DLGAP2: variants seen among roughly 807,000 people sequenced by gnomAD.
DLGAP2 encodes disks large-associated protein 2.
DLGAP2 carries 26 observed loss-of-function variants against 100.3 expected under a neutral mutation model. The ratio of observed to expected loss-of-function variants is 0.26; its 90% CI spans 0.19 to 0.36. The LOEUF is 0.36. Among genes scored for constraint, DLGAP2 ranks in the 10% least tolerant of loss-of-function variants. The pLI, the probability that DLGAP2 is intolerant of heterozygous loss-of-function variation, is 1.00. For synonymous variants in DLGAP2, 886 were observed against 630.1 expected (o/e 1.41, Z -6.08); for missense variants, 1,858 against 1,453.2 (o/e 1.28, Z -4.53).
At chr8:1,444,872 C>A (rs1057265643) in intron 3 of DLGAP2, among the ~76,000 whole-genome samples, 1 of 147,168 alleles carries the variant, frequency 6.8e-6, no homozygotes, top group Non-Finnish European at 1.5e-5. Flanking sequence ...CACCGTCTTC[C>A]AATTCAGGCA....
intron 2 of DLGAP2, among the ~76,000 whole-genome samples, chr8:941,456 C>T (rs528744989): frequency 6.6e-5 from 10 of 151,340 alleles, no homozygotes; most frequent in Non-Finnish European, 8.8e-5. Context: ...GCTGGAAACC[C>T]GTCAGACTCT....
intron 3 of DLGAP2, among the ~76,000 whole-genome samples, chr8:1,379,884 T>C (rs11783367): frequency 2.1e-4 from 17 of 80,326 alleles, no homozygotes; most frequent in African/African-American, 6.1e-4. Context: ...TTGGGGTGCC[T>C]TCCCTTCCCT....
intron 1 of DLGAP2, among the ~76,000 whole-genome samples, chr8:781,833 C>T (rs989532276): frequency 1.3e-5 from 2 of 152,092 alleles, no homozygotes; most frequent in Admixed American, 6.5e-5. Context: ...ATTATATAAC[C>T]TAATGTTTGT....
chr8:1,433,530 C>T (rs774696330), intron 3 of DLGAP2, among the ~76,000 whole-genome samples: 2 of 152,188 alleles, frequency 1.3e-5, no homozygotes, highest in Admixed American at 6.5e-5. Context: ...TGAGCCCACC[C>T]GAGTAGGTCC....
intron 1 of DLGAP2, among the ~76,000 whole-genome samples, chr8:888,316 G>A (rs1797961911): frequency 6.6e-6 from 1 of 152,112 alleles, no homozygotes; most frequent in African/African-American, 2.4e-5. Context: ...TCTTTGCACT[G>A]GGTTAGAACA....
chr8:899,018 C>T (rs568682126), intron 1 of DLGAP2, among the ~76,000 whole-genome samples: 14 of 152,340 alleles, frequency 9.2e-5, no homozygotes, highest in Admixed American at 7.2e-4. Flanking sequence ...GCCCCCCAGG[C>T]GGTTCTGACG....
chr8:1,196,438 A>G (rs12676200), intron 2 of DLGAP2, among the ~76,000 whole-genome samples: 67,218 of 152,006 alleles, frequency 0.44, 15,002 homozygotes, highest in Middle Eastern at 0.6. Flanking sequence ...TGAGTGAGTG[A>G]ACGAGACAGT....
intron 2 of DLGAP2, among the ~76,000 whole-genome samples, chr8:1,209,608 G>A (rs1024695290): frequency 2.0e-5 from 3 of 152,198 alleles, no homozygotes; most frequent in Non-Finnish European, 2.9e-5. Flanking sequence ...ATTTGGAGAT[G>A]GGGTTTTAGG....
At chr8:1,192,306 A>G (rs780770226) in intron 2 of DLGAP2, among the ~76,000 whole-genome samples, 10 of 152,202 alleles carry the variant, frequency 6.6e-5, no homozygotes, top group Non-Finnish European at 1.5e-4. Flanking sequence ...TTAAGTGACA[A>G]AAGTATATAT....
At chr8:1,244,795 T>A (rs1432509813) in intron 2 of DLGAP2, among the ~76,000 whole-genome samples, 1 of 152,166 alleles carries the variant, frequency 6.6e-6, no homozygotes, top group East Asian at 1.9e-4. Flanking sequence ...TTTAACAAAA[T>A]AAAGTTTTTG....
chr8:1,077,862 C>A (rs1226804466), intron 2 of DLGAP2, among the ~76,000 whole-genome samples: 1 of 152,198 alleles, frequency 6.6e-6, no homozygotes, highest in African/African-American at 2.4e-5. Flanking sequence ...GCGGAGCTCA[C>A]AGCTGTCTCA....
intron 3 of DLGAP2, among the ~76,000 whole-genome samples, chr8:1,386,245 C>G (rs1173846698): frequency 6.6e-6 from 1 of 152,050 alleles, no homozygotes; most frequent in African/African-American, 2.4e-5. Flanking sequence ...AAAGGAAATT[C>G]TAGAAAAATC....
chr8:984,215 C>T (rs551875234), intron 2 of DLGAP2, among the ~76,000 whole-genome samples: 1 of 152,188 alleles, frequency 6.6e-6, no homozygotes, highest in African/African-American at 2.4e-5. Flanking sequence ...TTGCCGACAC[C>T]TGACCTTGGG....
At chr8:1,308,414 C>G (rs1196063383) in intron 3 of DLGAP2, among the ~76,000 whole-genome samples, 1 of 152,172 alleles carries the variant, frequency 6.6e-6, no homozygotes. Flanking sequence ...AGAAGGGTTT[C>G]CAGAGTCAGC....
At chr8:1,374,869 G>C (rs1585312778) in intron 3 of DLGAP2, among the ~76,000 whole-genome samples, 1 of 152,170 alleles carries the variant, frequency 6.6e-6, no homozygotes, top group African/African-American at 2.4e-5. Flanking sequence ...GCACGGCCTG[G>C]CACTTCGTCT....
chr8:1,433,279 C>A (rs2130006473), intron 3 of DLGAP2, among the ~76,000 whole-genome samples: 1 of 152,340 alleles, frequency 6.6e-6, no homozygotes, highest in African/African-American at 2.4e-5. Context: ...GCTCTCTGCT[C>A]TACATGTTCC....
At chr8:1,233,184 C>G (rs1391489815) in intron 2 of DLGAP2, among the ~76,000 whole-genome samples, 1 of 152,192 alleles carries the variant, frequency 6.6e-6, no homozygotes, top group African/African-American at 2.4e-5. Flanking sequence ...TTGTATTTAT[C>G]TGTTTGTCAC....
chr8:859,475 T>C lies in DLGAP2; in HGVS notation c.19-48437T>C, dbSNP rs1394551340. ...TTTAGGGAAGAGAGGGTGCCTTGCCTGAGAGCTGGTTAGCGGCACGTGTGA... is the reference window on the plus strand; with the variant it reads ...TTTAGGGAAGAGAGGGTGCCTTGCCCGAGAGCTGGTTAGCGGCACGTGTGA... On this transcript the variant is annotated intron_variant, in intron 1 of 14. Coordinates refer to ENST00000637795, the MANE Select transcript of DLGAP2 (RefSeq NM_001346810.2). Among the ~76,000 whole-genome samples, 3 of 152,152 alleles carry C rather than the reference T, an allele frequency of 2.0e-5. No individual in the cohort carries two copies. The East Asian group carries it at 5.8e-4, about 29-fold the overall frequency.
rs970764962 is a variant in DLGAP2 at position 1,694,851 on chromosome 8, A to C, written c.2797-2296A>C. Among the ~76,000 whole-genome samples the C allele has an allele frequency of 4.0e-5, 6 of 151,486 alleles. No individual in the cohort carries two copies. The South Asian group carries it at 6.2e-4, about 16-fold the overall frequency. On this transcript the variant is annotated intron_variant, in intron 13 of 14. Coordinates refer to ENST00000637795, the MANE Select transcript of DLGAP2 (RefSeq NM_001346810.2). Reference sequence around the variant, plus strand: ...GGAAAGGGAATGGCATGGCACAACCATTGACTTTTTTTTTTTATTATAAAC... The same window carrying C: ...GGAAAGGGAATGGCATGGCACAACCCTTGACTTTTTTTTTTTATTATAAAC...
Sources: allele counts gnomAD v4.1 joint callset (sites outside exome capture counted in the v4.1 genomes callset), GRCh38; gene constraint gnomAD v4.1.1; transcripts MANE v1.5; gene names NCBI Gene and HGNC (gene_info 2026-07-23, HGNC 2026-07-21).